INIP: variants seen among roughly 807,000 people sequenced by gnomAD.
The protein encoded by INIP is INTS3 and NABP interacting protein.
INIP carries 9 observed loss-of-function variants against 14.0 expected under a neutral mutation model. The observed-to-expected ratio is 0.64, with a 90% CI of 0.39 to 1.12. The LOEUF is 1.12. Ranked by LOEUF, INIP falls within the 50% of genes most tolerant of loss-of-function variation. INIP has a pLI of 0.01. For synonymous variants in INIP, 37 were observed against 41.5 expected (o/e 0.89, Z 0.41); for missense variants, 78 against 122.7 (o/e 0.64, Z 1.72).
chr9:112,687,360 G>C lies in INIP; in HGVS notation c.*178C>G. 1.9e-6 allele frequency: 1 copy of C among 513,458 alleles called. No homozygotes were observed. The allele number at this position is 513,458 out of a possible 1,614,324, so 31.8% of individuals were successfully genotyped here. On this transcript the variant is annotated 3_prime_UTR_variant, in exon 5 of 5. Coordinates refer to ENST00000374242, the MANE Select transcript of INIP (RefSeq NM_021218.3). ...TTCCTTGGACGATACAGCTTCCACA[G>C]CTCTCATCATCCTGGTTATTCTTCT...
intron 1 of INIP, among the ~76,000 whole-genome samples, chr9:112,717,635 C>A (rs992173438): frequency 6.6e-6 from 1 of 152,040 alleles, no homozygotes; most frequent in Non-Finnish European, 1.5e-5. Flanking sequence ...GTCTAGGGAG[C>A]CCGGGAAAGA....
chr9:112,686,645 T>C lies in INIP; in HGVS notation c.*893A>G, dbSNP rs1045910847. Reference sequence around the variant, plus strand: ...CTGAGTAGCTGGGATTACAGGCGTGTGCCACCACACATGGCTAATTTTTTA... The same window carrying C: ...CTGAGTAGCTGGGATTACAGGCGTGCGCCACCACACATGGCTAATTTTTTA... On this transcript the variant is annotated 3_prime_UTR_variant, in exon 5 of 5. Coordinates refer to ENST00000374242, the MANE Select transcript of INIP (RefSeq NM_021218.3). The C allele has an allele frequency of 1.3e-5, 2 of 152,302 alleles. No individual in the cohort carries two copies. The highest frequency in any genetic ancestry group is 4.8e-5 in the African/African-American group (2 of 41,450). The allele number at this position is 152,302 out of a possible 1,614,324, so 9.4% of individuals were successfully genotyped here.
At chr9:112,695,941 G>A (rs1469844275) in intron 2 of INIP, among the ~76,000 whole-genome samples, 3 of 152,120 alleles carry the variant, frequency 2.0e-5, no homozygotes, top group Admixed American at 6.5e-5. Flanking sequence ...AGACTGGAGT[G>A]CAGTGGTGTG....
intron 2 of INIP, among the ~76,000 whole-genome samples, chr9:112,702,257 A>C (rs1838322317): frequency 1.3e-5 from 2 of 152,196 alleles, no homozygotes; most frequent in African/African-American, 4.8e-5. Context: ...GGTCACTGTC[A>C]GTAATTATAC....
intron 2 of INIP, among the ~76,000 whole-genome samples, chr9:112,699,514 T>C (rs760106903): frequency 6.6e-5 from 10 of 152,220 alleles, no homozygotes; most frequent in Admixed American, 3.9e-4. Context: ...AGTATATTGT[T>C]ATAATTGTTA....
chr9:112,709,899 A>G (rs1838593152), intron 2 of INIP, among the ~76,000 whole-genome samples: 1 of 152,256 alleles, frequency 6.6e-6, no homozygotes, highest in African/African-American at 2.4e-5. Flanking sequence ...GCCTAGCATC[A>G]GAAATCTAAT....
intron 2 of INIP, among the ~76,000 whole-genome samples, chr9:112,711,134 C>T (rs1838635748): frequency 6.6e-6 from 1 of 151,414 alleles, no homozygotes; most frequent in African/African-American, 2.4e-5. Flanking sequence ...CACAACACTG[C>T]TCTCCAGCCT....
chr9:112,713,131 T>C (rs1254942021), intron 2 of INIP, among the ~76,000 whole-genome samples: 1 of 152,190 alleles, frequency 6.6e-6, no homozygotes, highest in East Asian at 1.9e-4. Flanking sequence ...AACCCAATTT[T>C]TAAAAAATGA....
chr9:112,712,599 A>T (rs1393610385), intron 2 of INIP, among the ~76,000 whole-genome samples: 1 of 152,238 alleles, frequency 6.6e-6, no homozygotes, highest in African/African-American at 2.4e-5. Flanking sequence ...AGACATAATA[A>T]ATAAAAGGGG....
chr9:112,694,569 T>A (rs965412307), intron 2 of INIP, among the ~76,000 whole-genome samples: 1 of 152,216 alleles, frequency 6.6e-6, no homozygotes, highest in African/African-American at 2.4e-5. Context: ...TAACAAAATC[T>A]TTGAGGACCC....
At chr9:112,691,049 T>C (rs1171664209) in intron 3 of INIP, among the ~76,000 whole-genome samples, 1 of 152,258 alleles carries the variant, frequency 6.6e-6, no homozygotes, top group African/African-American at 2.4e-5. Context: ...GTTATATTTC[T>C]GTTACTTCCC....
intron 3 of INIP, among the ~76,000 whole-genome samples, chr9:112,690,052 C>T (rs548278918): frequency 6.6e-6 from 1 of 151,568 alleles, no homozygotes; most frequent in East Asian, 1.9e-4. Context: ...CTCTCACTAT[C>T]TTCATGAATT....
chr9:112,712,522 T>C (rs1838678881), intron 2 of INIP, among the ~76,000 whole-genome samples: 1 of 152,038 alleles, frequency 6.6e-6, no homozygotes, highest in Non-Finnish European at 1.5e-5. Flanking sequence ...ATAACCCCAA[T>C]GATATAATTA....
At chr9:112,687,958 T>C (rs1005825331) in intron 4 of INIP, among the ~76,000 whole-genome samples, 30 of 152,074 alleles carry the variant, frequency 2.0e-4, no homozygotes, top group African/African-American at 4.6e-4. Flanking sequence ...TGGTGGCGGG[T>C]GCCTGTAGTC....
chr9:112,706,236 C>G (rs893920720), intron 2 of INIP, among the ~76,000 whole-genome samples: 1 of 152,122 alleles, frequency 6.6e-6, no homozygotes, highest in East Asian at 1.9e-4. Flanking sequence ...AAAGGGAACC[C>G]TTGCACACTG....
intron 2 of INIP, among the ~76,000 whole-genome samples, chr9:112,712,686 T>G (rs890256977): frequency 3.3e-5 from 5 of 152,198 alleles, no homozygotes; most frequent in Admixed American, 6.5e-5. Flanking sequence ...TGAAACAAAA[T>G]GTTCACTGGA....
rs1346177051 is a variant in INIP at position 112,686,029 on chromosome 9, C to A, written c.*1509G>T. Reference sequence around the variant, plus strand: ...TAAGGAAGAAAGGGGGGAACAAACTCTCTGAAAAGAAAGTAGAACTTTCAC... The same window carrying A: ...TAAGGAAGAAAGGGGGGAACAAACTATCTGAAAAGAAAGTAGAACTTTCAC... On this transcript the variant is annotated 3_prime_UTR_variant, in exon 5 of 5. Transcript: ENST00000374242. 1.3e-5 allele frequency: 2 copies of A among 152,144 alleles called. No homozygotes were observed. Among genetic ancestry groups the A allele is most frequent in the Admixed American group, 1.3e-4 (2 of 15,266 alleles). 9.4% of individuals were successfully genotyped at this position (152,144 alleles called of 1,614,324 possible).
intron 3 of INIP, among the ~76,000 whole-genome samples, chr9:112,691,518 C>T (rs1006673066): frequency 7.9e-5 from 12 of 152,106 alleles, no homozygotes; most frequent in Non-Finnish European, 1.3e-4. Flanking sequence ...GTGATTAGCA[C>T]GTAAATAACA....
intron 2 of INIP, among the ~76,000 whole-genome samples, chr9:112,700,314 A>G (rs2185769): frequency 0.1 from 15,609 of 151,996 alleles, 995 homozygotes; most frequent in African/African-American, 0.17. Flanking sequence ...GTGGTGTCCA[A>G]CTAGTATAGG....
Sources: gnomAD v4.1 joint callset for allele counts (sites outside exome capture counted in the v4.1 genomes callset) on GRCh38, gnomAD v4.1.1 for gene constraint, MANE v1.5 for transcripts, NCBI Gene and HGNC (gene_info 2026-07-23, HGNC 2026-07-21) for gene names.